Variants in PLCH1 observed in about 807,000 individuals in gnomAD.
PLCH1 encodes phospholipase C eta 1, also known as 1-phosphatidylinositol 4,5-bisphosphate phosphodiesterase eta-1.
PLCH1 carries 60 observed loss-of-function variants against 126.7 expected under a neutral mutation model. The observed-to-expected ratio is 0.47, with a 90% CI of 0.38 to 0.59. PLCH1 has a LOEUF of 0.59. PLCH1 is among the 20% of genes least tolerant of loss of function. The pLI is 0.00. For synonymous variants in PLCH1, 719 were observed against 734.9 expected (o/e 0.98, Z 0.35); for missense variants, 1,723 against 2,040.0 (o/e 0.84, Z 2.99).
At chr3:155,599,950 CATATA>C (rs1054145842) in intron 2 of PLCH1, among the ~76,000 whole-genome samples, 2 of 152,092 alleles carry the variant, frequency 1.3e-5, no homozygotes, top group African/African-American at 4.8e-5. Context: ...TCATATAAAT[CATATA>C]ATATGATTTC....
intron 2 of PLCH1, among the ~76,000 whole-genome samples, chr3:155,605,786 C>T (rs1326344804): frequency 6.6e-6 from 1 of 152,024 alleles, no homozygotes; most frequent in Non-Finnish European, 1.5e-5. Context: ...TTTTTTTTCT[C>T]TCCATGAACA....
intron 12 of PLCH1, among the ~76,000 whole-genome samples, chr3:155,513,659 T>A (rs956528005): frequency 2.6e-5 from 4 of 152,122 alleles, no homozygotes; most frequent in Non-Finnish European, 5.9e-5. Context: ...ATTAAGAAAA[T>A]CCAGAATTAC....
chr3:155,644,125 T>C (rs1739725369), intron 2 of PLCH1, among the ~76,000 whole-genome samples: 1 of 152,164 alleles, frequency 6.6e-6, no homozygotes, highest in Admixed American at 6.5e-5. Flanking sequence ...AGGCAGTACC[T>C]TGTAGTGCAG....
intron 10 of PLCH1, among the ~76,000 whole-genome samples, chr3:155,527,504 A>G (rs1015774592): frequency 1.3e-5 from 2 of 152,172 alleles, no homozygotes; most frequent in East Asian, 1.9e-4. Flanking sequence ...ACTAGTGACA[A>G]TTTCAAAGCT....
intron 12 of PLCH1, among the ~76,000 whole-genome samples, chr3:155,505,898 T>G (rs1198874579): frequency 1.3e-5 from 2 of 152,028 alleles, no homozygotes; most frequent in Admixed American, 6.5e-5. Flanking sequence ...TCCGCTTTTT[T>G]TTTTTTTTTA....
intron 2 of PLCH1, among the ~76,000 whole-genome samples, chr3:155,602,569 G>A (rs972983040): frequency 6.6e-6 from 1 of 152,132 alleles, no homozygotes; most frequent in South Asian, 2.1e-4. Context: ...AGATTGCATA[G>A]CCTATTGCAC....
At chr3:155,486,785 A>G (rs895300805) in intron 21 of PLCH1, among the ~76,000 whole-genome samples, 9 of 151,976 alleles carry the variant, frequency 5.9e-5, no homozygotes, top group Admixed American at 4.6e-4. Flanking sequence ...CGGCCTCCCA[A>G]AGTGCTGGGA....
chr3:155,719,672 T>C (rs541415744), intron 1 of PLCH1, among the ~76,000 whole-genome samples: 9 of 152,128 alleles, frequency 5.9e-5, no homozygotes, highest in African/African-American at 2.2e-4. Context: ...ATATAGCTTG[T>C]AGCACTTTTG....
intron 8 of PLCH1, among the ~76,000 whole-genome samples, chr3:155,554,527 G>T (rs989491761): frequency 3.4e-5 from 5 of 148,342 alleles, no homozygotes; most frequent in Non-Finnish European, 6.0e-5. Context: ...TTTCTTGAAA[G>T]GTCATTTACC....
At chr3:155,739,861 A>T (rs1559975882) in intron 1 of PLCH1, among the ~76,000 whole-genome samples, 1 of 152,238 alleles carries the variant, frequency 6.6e-6, no homozygotes. Flanking sequence ...ATAAAAAGAC[A>T]TAAAATAAGT....
intron 7 of PLCH1, among the ~76,000 whole-genome samples, chr3:155,567,298 C>T (rs1160448504): frequency 6.6e-6 from 1 of 152,122 alleles, no homozygotes; most frequent in Non-Finnish European, 1.5e-5. Context: ...GTCTCAAACT[C>T]CTGGCCTCAA....
chr3:155,601,960 G>T (rs1262852954), intron 2 of PLCH1, among the ~76,000 whole-genome samples: 1 of 151,978 alleles, frequency 6.6e-6, no homozygotes, highest in African/African-American at 2.4e-5. Context: ...AGTCTTTTGT[G>T]CTTGGCCTTT....
intron 2 of PLCH1, among the ~76,000 whole-genome samples, chr3:155,614,948 C>T (rs528838336): frequency 6.6e-6 from 1 of 152,094 alleles, no homozygotes; most frequent in South Asian, 2.1e-4. Context: ...CCTAACTAAA[C>T]TAAAAAGCTT....
intron 2 of PLCH1, among the ~76,000 whole-genome samples, chr3:155,603,841 T>G (rs1190793365): frequency 6.6e-6 from 1 of 152,150 alleles, no homozygotes; most frequent in Non-Finnish European, 1.5e-5. Context: ...CTGACACCTG[T>G]AATCCCAGCA....
In PLCH1 at chr3:155,721,538, A is replaced by C. The variant is rs532587196; in HGVS notation, c.-40-17274T>G. 7.5e-4 allele frequency among the ~76,000 whole-genome samples: 114 copies of C among 152,276 alleles called. 1 individual carries two copies. In the South Asian group the frequency reaches 0.018, roughly 24 times the overall value. On this transcript the variant is annotated intron_variant, in intron 1 of 22. Coordinates refer to ENST00000460012, the MANE Select transcript of PLCH1 (RefSeq NM_014996.4). The stretch of plus-strand genomic sequence containing the variant: ...GTCGCTGTTCATGTATAGCAGAGCT[A>C]CTGATTTGTGTACATTAATTTTGTA...
Position 155,515,246 on chromosome 3 carries a change from T to C in PLCH1, c.1471-362A>G, listed in dbSNP as rs530133637. ...AGCTAGCAAATAACTGAAGCAGGAT[T>C]CAAACTCAGGACTCCAAAGCCCTTC... On this transcript the variant is annotated intron_variant, in intron 11 of 22. Transcript: ENST00000460012. 6.6e-5 allele frequency among the ~76,000 whole-genome samples: 10 copies of C among 152,314 alleles called. No homozygotes were observed. In the South Asian group the frequency reaches 1.9e-3, roughly 28 times the overall value.
chr3:155,545,992 C>G (rs1166265270), intron 10 of PLCH1, among the ~76,000 whole-genome samples: 1 of 151,686 alleles, frequency 6.6e-6, no homozygotes, highest in African/African-American at 2.4e-5. Context: ...CAGGGATGCC[C>G]TCTCTCACCA....
chr3:155,488,485 C>T (rs930912761), intron 20 of PLCH1, among the ~76,000 whole-genome samples, 175 bp downstream of exon 20: 2 of 152,180 alleles, frequency 1.3e-5, no homozygotes, highest in African/African-American at 4.8e-5. Context: ...GTGTGAGCCA[C>T]TGCACCCAGC....
At chr3:155,632,852 T>A (rs1738210834) in intron 2 of PLCH1, among the ~76,000 whole-genome samples, 1 of 152,168 alleles carries the variant, frequency 6.6e-6, no homozygotes, top group Non-Finnish European at 1.5e-5. Context: ...AATAAAAAGC[T>A]CATTTCCAAC....
Sources: allele counts gnomAD v4.1 joint callset (sites outside exome capture counted in the v4.1 genomes callset), GRCh38; gene constraint gnomAD v4.1.1; transcripts MANE v1.5; gene names NCBI Gene and HGNC (gene_info 2026-07-23, HGNC 2026-07-21).